KCNJ6: variants seen among roughly 807,000 people sequenced by gnomAD.
KCNJ6 encodes the protein G protein-activated inward rectifier potassium channel 2.
KCNJ6 carries 9 observed loss-of-function variants against 34.2 expected under a neutral mutation model. The observed-to-expected ratio is 0.26, with a 90% confidence interval of 0.16 to 0.46. KCNJ6 has a LOEUF of 0.46. Among genes scored for constraint, KCNJ6 ranks in the 20% least tolerant of loss-of-function variants. The pLI, the probability that KCNJ6 is intolerant of heterozygous loss-of-function variation, is 1.00. For synonymous variants in KCNJ6, 196 were observed against 207.1 expected (o/e 0.95, Z 0.46); for missense variants, 236 against 531.3 (o/e 0.44, Z 5.46).
intron 1 of KCNJ6, among the ~76,000 whole-genome samples, chr21:37,881,477 G>C (rs2055707968): frequency 6.6e-6 from 1 of 151,788 alleles, no homozygotes; most frequent in Non-Finnish European, 1.5e-5. Context: ...CATGGAGAGA[G>C]AGAGAGAGAG....
chr21:37,794,683 C>T (rs1206525640), intron 2 of KCNJ6, among the ~76,000 whole-genome samples: 10 of 151,882 alleles, frequency 6.6e-5, no homozygotes. Flanking sequence ...ACAATGAGAA[C>T]ACTTGGACAC....
At chr21:37,825,538 TCTTA>T (rs779754992) in intron 2 of KCNJ6, among the ~76,000 whole-genome samples, 2 of 152,182 alleles carry the variant, frequency 1.3e-5, no homozygotes, top group Non-Finnish European at 2.9e-5. Context: ...CTAGACTTTC[TCTTA>T]CTATTTTCTT....
intron 2 of KCNJ6, among the ~76,000 whole-genome samples, chr21:37,808,081 T>C (rs907864432): frequency 2.6e-5 from 4 of 152,220 alleles, no homozygotes; most frequent in Non-Finnish European, 5.9e-5. Context: ...TAGCCACACC[T>C]CTACTATAGG....
intron 3 of KCNJ6, among the ~76,000 whole-genome samples, chr21:37,648,585 T>C (rs775905790): frequency 2.0e-5 from 3 of 152,166 alleles, no homozygotes; most frequent in Non-Finnish European, 4.4e-5. Flanking sequence ...AAATTGCCAA[T>C]AGGTGCATTT....
chr21:37,725,548 T>C (rs2054850014), intron 2 of KCNJ6, among the ~76,000 whole-genome samples: 1 of 152,226 alleles, frequency 6.6e-6, no homozygotes, highest in Non-Finnish European at 1.5e-5. Flanking sequence ...GGAAGTGTAA[T>C]TTCATACTTG....
intron 3 of KCNJ6, among the ~76,000 whole-genome samples, chr21:37,702,298 T>C (rs2054695682): frequency 1.3e-5 from 2 of 150,190 alleles, no homozygotes; most frequent in Admixed American, 1.3e-4. Context: ...AGCGTGGTCA[T>C]TAGCAGATAG....
At chr21:37,850,602 T>C (rs1007774314) in intron 1 of KCNJ6, among the ~76,000 whole-genome samples, 1 of 151,950 alleles carries the variant, frequency 6.6e-6, no homozygotes, top group Non-Finnish European at 1.5e-5. Context: ...TTGTCTTCCA[T>C]GAAACTGGTC....
At chr21:37,715,379 G>A (rs534678991) in intron 2 of KCNJ6, among the ~76,000 whole-genome samples, 1 of 152,336 alleles carries the variant, frequency 6.6e-6, no homozygotes, top group African/African-American at 2.4e-5. Context: ...GCTTATTGCT[G>A]CAAAATTGTG....
chr21:37,895,612 G>A (rs1352540058), intron 1 of KCNJ6, among the ~76,000 whole-genome samples: 2 of 152,134 alleles, frequency 1.3e-5, no homozygotes, highest in East Asian at 3.9e-4. Flanking sequence ...CCTCCCACCT[G>A]GTGAAAGAGG....
chr21:37,915,002 A>G (rs1299193760), intron 1 of KCNJ6, among the ~76,000 whole-genome samples: 1 of 149,754 alleles, frequency 6.7e-6, no homozygotes, highest in African/African-American at 2.5e-5. Flanking sequence ...CACTAACCTC[A>G]CCCTCTGTGG....
At chr21:37,899,541 T>G (rs1405904812) in intron 1 of KCNJ6, among the ~76,000 whole-genome samples, 1 of 152,170 alleles carries the variant, frequency 6.6e-6, no homozygotes, top group African/African-American at 2.4e-5. Context: ...CTGACACTCT[T>G]AAAATCTCTT....
At chr21:37,834,919 T>C (rs1004833291) in intron 2 of KCNJ6, among the ~76,000 whole-genome samples, 28 of 98,678 alleles carry the variant, frequency 2.8e-4, no homozygotes, top group Admixed American at 2.3e-3. Flanking sequence ...AAGCTGCTGC[T>C]CTGTTATTTA....
intron 3 of KCNJ6, among the ~76,000 whole-genome samples, chr21:37,671,724 G>C (rs2054543007): frequency 6.6e-6 from 1 of 152,188 alleles, no homozygotes; most frequent in African/African-American, 2.4e-5. Flanking sequence ...ACTGAATTAG[G>C]GAACACACAG....
chr21:37,914,008 G>GGGGT lies in KCNJ6; in HGVS notation c.-28+1875_-28+1876insACCC, dbSNP rs760597650. Among the ~76,000 whole-genome samples, 571 of 135,576 alleles carry GGGGT rather than the reference G, an allele frequency of 4.2e-3. 3 individuals are homozygous for GGGGT. The highest frequency in any genetic ancestry group is 6.3e-3 in the East Asian group (26 of 4,116). The allele number at this position is 135,576 out of a possible 152,430, so 88.9% of individuals were successfully genotyped here. On this transcript the variant is annotated intron_variant, in intron 1 of 3. Transcript: ENST00000609713. ...GCAACCCTCGTCAGAGGCGGATCGG[G>GGGGT]GTGTGTGTGTGTGTGTGTGTGTGTG... is the stretch of plus-strand genomic sequence containing the variant.
chr21:37,877,871 G>A (rs1426468121), intron 1 of KCNJ6, among the ~76,000 whole-genome samples: 3 of 152,204 alleles, frequency 2.0e-5, no homozygotes, highest in Non-Finnish European at 4.4e-5. Flanking sequence ...TTTTTCTGGC[G>A]CATGCCGGAA....
chr21:37,713,276 C>G (rs954883533), intron 3 of KCNJ6, among the ~76,000 whole-genome samples: 1 of 151,916 alleles, frequency 6.6e-6, no homozygotes, highest in East Asian at 1.9e-4. Context: ...GACTTAAAAG[C>G]GTAAAAGGGC....
intron 3 of KCNJ6, among the ~76,000 whole-genome samples, chr21:37,646,699 T>TCTC (rs5843842): frequency 1.3e-5 from 2 of 150,742 alleles, no homozygotes; most frequent in African/African-American, 2.5e-5. Flanking sequence ...TGAGACGGAG[T>TCTC]TGGCTCTGTC....
chr21:37,827,911 G>A (rs772326036), intron 2 of KCNJ6, among the ~76,000 whole-genome samples: 3 of 152,104 alleles, frequency 2.0e-5, no homozygotes, highest in Non-Finnish European at 4.4e-5. Context: ...AACCCAGGTG[G>A]GGAGCTGGTA....
intron 1 of KCNJ6, among the ~76,000 whole-genome samples, chr21:37,844,654 C>T (rs2055497637): frequency 6.6e-6 from 1 of 152,100 alleles, no homozygotes. Flanking sequence ...TACCTCCTTG[C>T]CTTGGCAAGC....
Sources: gnomAD v4.1 joint callset for allele counts (sites outside exome capture counted in the v4.1 genomes callset) on GRCh38, gnomAD v4.1.1 for gene constraint, MANE v1.5 for transcripts, NCBI Gene and HGNC (gene_info 2026-07-23, HGNC 2026-07-21) for gene names.